RABGAP1L: variants seen among roughly 807,000 people sequenced by gnomAD.
RABGAP1L encodes RAB GTPase activating protein 1 like, also known as rab GTPase-activating protein 1-like.
RABGAP1L carries 63 observed loss-of-function variants against 137.7 expected under a neutral mutation model. The ratio of observed to expected loss-of-function variants is 0.46; its 90% CI spans 0.37 to 0.56. RABGAP1L has a LOEUF of 0.56. RABGAP1L is among the 20% of genes least tolerant of loss of function. RABGAP1L has a pLI of 0.00. For synonymous variants in RABGAP1L, 431 were observed against 433.7 expected, an observed-to-expected ratio of 0.99 and a Z score of 0.08; for missense variants, 1,095 against 1,244.0, an observed-to-expected ratio of 0.88 and a Z score of 1.80.
At position 174,172,429 on chromosome 1, in the gene RABGAP1L, C is replaced by A. The variant is rs1174144388; in HGVS notation, c.-34+12772C>A. The stretch of plus-strand genomic sequence containing the variant: ...TTAATGTTTTGAGGAACTTCTATAC[C>A]ATTTTCCGTAATGTCTGTGTAGCAA... On this transcript the variant is annotated intron_variant, in intron 1 of 25. Coordinates refer to ENST00000681986, the MANE Select transcript of RABGAP1L (RefSeq NM_001366446.1). 4.6e-5 allele frequency among the ~76,000 whole-genome samples: 7 copies of A among 152,218 alleles called. No homozygotes were observed. The South Asian group carries it at 6.2e-4, about 14-fold the overall frequency.
chr1:174,598,557 T>C (rs1408788003), intron 13 of RABGAP1L, among the ~76,000 whole-genome samples: 1 of 152,180 alleles, frequency 6.6e-6, no homozygotes, highest in Non-Finnish European at 1.5e-5. Context: ...TTAGCTATAA[T>C]AATATTTGCT....
intron 13 of RABGAP1L, chr1:174,548,162 T>G (rs1321008530): frequency 2.0e-6 from 3 of 1,474,300 alleles, no homozygotes; most frequent in Non-Finnish European, 2.7e-6. Flanking sequence ...TTACATATGT[T>G]CATTTTACAA....
chr1:174,553,473 T>C (rs1666686321), intron 13 of RABGAP1L, among the ~76,000 whole-genome samples: 1 of 152,176 alleles, frequency 6.6e-6, no homozygotes, highest in Non-Finnish European at 1.5e-5. Context: ...AGCCAAGATA[T>C]TTCACTAGTG....
chr1:174,342,740 ATT>A (rs199628685), intron 11 of RABGAP1L, among the ~76,000 whole-genome samples: 9 of 143,292 alleles, frequency 6.3e-5, no homozygotes, highest in Admixed American at 1.4e-4. Flanking sequence ...TCTCAGAAGA[ATT>A]TTTTTTTTTT....
chr1:174,282,174 A>C (rs1675630959), intron 10 of RABGAP1L, among the ~76,000 whole-genome samples: 1 of 152,202 alleles, frequency 6.6e-6, no homozygotes, highest in African/African-American at 2.4e-5. Flanking sequence ...GATACCAAGA[A>C]ATGGAATTGC....
At chr1:174,421,792 G>A (rs1368873133) in intron 13 of RABGAP1L, among the ~76,000 whole-genome samples, 2 of 151,986 alleles carry the variant, frequency 1.3e-5, no homozygotes, top group Non-Finnish European at 2.9e-5. Context: ...TTTTTGAGAC[G>A]GAGTCTCACT....
intron 7 of RABGAP1L, among the ~76,000 whole-genome samples, chr1:174,256,841 A>C (rs959881952): frequency 6.6e-6 from 1 of 152,132 alleles, no homozygotes; most frequent in Admixed American, 6.6e-5. Context: ...TCATCAAAAT[A>C]TCCTCCTTAA....
At chr1:174,226,885 G>A (rs1043903793) in intron 3 of RABGAP1L, among the ~76,000 whole-genome samples, 2 of 151,900 alleles carry the variant, frequency 1.3e-5, no homozygotes, top group East Asian at 3.9e-4. Flanking sequence ...TTTAGACTAG[G>A]ATAAGTAAAC....
At chr1:174,680,800 G>A (rs1166642052) in intron 14 of RABGAP1L, among the ~76,000 whole-genome samples, 2 of 152,012 alleles carry the variant, frequency 1.3e-5, no homozygotes, top group Non-Finnish European at 1.5e-5. Context: ...AGGCTGAGGT[G>A]GGTCGATCGC....
intron 18 of RABGAP1L, among the ~76,000 whole-genome samples, chr1:174,802,943 A>G (rs1688890961): frequency 6.6e-6 from 1 of 152,216 alleles, no homozygotes; most frequent in Admixed American, 6.5e-5. Flanking sequence ...ATTTCTAGTC[A>G]AGAGGAAGTA....
At chr1:174,957,356 A>C in intron 19 of RABGAP1L, 101 bp from the exon 20 acceptor site, 3 of 875,066 alleles carry the variant, frequency 3.4e-6, no homozygotes, top group Non-Finnish European at 5.6e-6. Flanking sequence ...TGAGTTGAGC[A>C]TGTTCCCTTA....
intron 13 of RABGAP1L, among the ~76,000 whole-genome samples, chr1:174,576,109 G>C (rs1457359878): frequency 6.6e-6 from 1 of 152,164 alleles, no homozygotes; most frequent in Admixed American, 6.5e-5. Flanking sequence ...TGATCAGCAA[G>C]ATATTAATCA....
chr1:174,193,545 T>G (rs1571467658), intron 1 of RABGAP1L, among the ~76,000 whole-genome samples: 1 of 152,040 alleles, frequency 6.6e-6, no homozygotes, highest in African/African-American at 2.4e-5. Flanking sequence ...ATCCCCAAAA[T>G]AGAAAACCTG....
intron 19 of RABGAP1L, among the ~76,000 whole-genome samples, chr1:174,828,095 C>G (rs1383755551): frequency 1.4e-5 from 2 of 148,072 alleles, no homozygotes; most frequent in African/African-American, 4.9e-5. Context: ...TTTAGGATGG[C>G]CATTATTTAA....
chr1:174,268,455 G>T (rs1175884201), intron 7 of RABGAP1L, among the ~76,000 whole-genome samples: 1 of 151,816 alleles, frequency 6.6e-6, no homozygotes, highest in African/African-American at 2.4e-5. Flanking sequence ...TGCCCACCTC[G>T]GCCTCCCAAA....
chr1:174,982,891 C>G lies in RABGAP1L; in HGVS notation c.2791C>G (p.Leu931Val). 6.4e-7 allele frequency: 1 copy of G among 1,550,406 alleles called. No individual in the cohort carries two copies. The highest frequency in any genetic ancestry group is 2.0e-5 in the Admixed American group (1 of 51,006). The stretch of plus-strand genomic sequence containing the variant: ...ACAGCAAGCAGCCAGCAAGGAGGAG[C>G]TGGAAGTGGTAAAGGTAAGGAGTGA... ...EKQQAASKEE[L>V]EVVKGKMMAC... Residue 931 changes from leucine (L) to valine (V), a missense_variant, in exon 24 of 26, where the codon CTG becomes GTG. By Grantham distance (32) the Leu-to-Val change is conservative. This residue lies in a region of RABGAP1L where 312 missense variants were observed against 435.6 expected (regional missense o/e 0.72). Transcript: ENST00000681986.
intron 19 of RABGAP1L, among the ~76,000 whole-genome samples, chr1:174,951,629 C>T (rs1440504679): frequency 6.6e-6 from 1 of 152,088 alleles, no homozygotes; most frequent in Admixed American, 6.6e-5. Context: ...TAGTATGAAT[C>T]CCACATCTTC....
chr1:174,428,860 T>C (rs182243345), intron 13 of RABGAP1L, among the ~76,000 whole-genome samples: 2 of 152,306 alleles, frequency 1.3e-5, no homozygotes, highest in Non-Finnish European at 2.9e-5. Context: ...AGAAGCAAAC[T>C]ATAAAATCAA....
intron 17 of RABGAP1L, among the ~76,000 whole-genome samples, chr1:174,722,970 C>T (rs1681693412): frequency 6.6e-6 from 1 of 152,128 alleles, no homozygotes; most frequent in African/African-American, 2.4e-5. Flanking sequence ...ATGATGGAGA[C>T]ACAGAACTGA....
Sources: gnomAD v4.1 joint callset for allele counts (sites outside exome capture counted in the v4.1 genomes callset) on GRCh38, gnomAD v4.1.1 for gene constraint, gnomAD v4.1.1 regional missense constraint, MANE v1.5 for transcripts, NCBI Gene and HGNC (gene_info 2026-07-23, HGNC 2026-07-21) for gene names.